The following CNIH3 variants were observed in gnomAD, a reference collection of about 807,000 sequenced individuals.
CNIH3 encodes the protein cornichon family AMPA receptor auxiliary protein 3.
CNIH3 carries 14 observed loss-of-function variants against 24.1 expected under a neutral mutation model. That is an observed-to-expected ratio of 0.58 (90% CI 0.38 to 0.91). The LOEUF (loss-of-function observed/expected upper bound fraction) is 0.91. Among genes scored for constraint, CNIH3 ranks in the 40% least tolerant of loss-of-function variants. CNIH3 has a pLI of 0.00. For synonymous variants in CNIH3, 68 were observed against 73.8 expected, an observed-to-expected ratio of 0.92 and a Z score of 0.40; for missense variants, 178 against 196.8, an observed-to-expected ratio of 0.90 and a Z score of 0.57.
chr1:224,550,873 GC>G (rs1301882307), intron 3 of CNIH3, among the ~76,000 whole-genome samples: 4 of 111,406 alleles, frequency 3.6e-5, no homozygotes, highest in African/African-American at 1.4e-4. Flanking sequence ...CCCACAACAG[GC>G]CCCGGTGTGT....
intron 3 of CNIH3, among the ~76,000 whole-genome samples, chr1:224,559,748 A>G (rs1410321041): frequency 6.6e-6 from 1 of 152,226 alleles, no homozygotes; most frequent in Non-Finnish European, 1.5e-5. Context: ...AAAATATGTT[A>G]GTAAAGTTTT....
chr1:224,589,236 A>G (rs1295625849), downstream of CNIH3, among the ~76,000 whole-genome samples: 3 of 152,176 alleles, frequency 2.0e-5, no homozygotes, highest in Non-Finnish European at 4.4e-5. Flanking sequence ...AGACCCTGCC[A>G]CAAAAGACTG....
chr1:224,662,075 G>A (rs1427964551), intron 1 of CNIH3, among the ~76,000 whole-genome samples: 1 of 152,176 alleles, frequency 6.6e-6, no homozygotes, highest in Non-Finnish European at 1.5e-5. Context: ...TCTATCAGAT[G>A]TTAGCATTTT....
chr1:224,544,626 G>T (rs1296937690), intron 2 of CNIH3, among the ~76,000 whole-genome samples: 2 of 152,142 alleles, frequency 1.3e-5, no homozygotes. Flanking sequence ...CACCTCTAGG[G>T]CTGAGTGCAC....
intron 3 of CNIH3, among the ~76,000 whole-genome samples, chr1:224,724,232 G>A (rs2405523): frequency 0.42 from 64,114 of 152,020 alleles, 13,845 homozygotes; most frequent in Non-Finnish European, 0.46. Flanking sequence ...CACTCAAGTC[G>A]ACCCAACCCA....
chr1:224,594,347 G>A (rs1440174779), intron 3 of CNIH3, among the ~76,000 whole-genome samples: 1 of 152,196 alleles, frequency 6.6e-6, no homozygotes, highest in Non-Finnish European at 1.5e-5. Context: ...TTAGGATTTG[G>A]AGTAGATCTT....
chr1:224,639,852 G>T (rs188015823), intron 1 of CNIH3, among the ~76,000 whole-genome samples: 1 of 152,126 alleles, frequency 6.6e-6, no homozygotes. Flanking sequence ...TCCTTAACCC[G>T]ATTGCAGATC....
At chr1:224,527,986 G>A (rs938619335) in intron 2 of CNIH3, among the ~76,000 whole-genome samples, 2 of 152,204 alleles carry the variant, frequency 1.3e-5, no homozygotes, top group African/African-American at 4.8e-5. Flanking sequence ...CCTGGGCTGG[G>A]TGCAGTGGCT....
chr1:224,577,239 G>A (rs1176124689), intron 4 of CNIH3, among the ~76,000 whole-genome samples: 4 of 152,094 alleles, frequency 2.6e-5, no homozygotes. Flanking sequence ...CTACTGCACA[G>A]CAAAAGAAAT....
intron 1 of CNIH3, chr1:224,435,067 C>T: frequency 1.0e-6 from 1 of 985,666 alleles, no homozygotes; most frequent in Non-Finnish European, 1.2e-6. Flanking sequence ...AGTTCGTAGC[C>T]GCCCTCCGAA....
intron 1 of CNIH3, among the ~76,000 whole-genome samples, chr1:224,635,018 A>G (rs183883357): frequency 1.3e-5 from 2 of 152,336 alleles, no homozygotes; most frequent in Admixed American, 1.3e-4. Context: ...GCTATAAAGA[A>G]CTACCTGAGA....
chr1:224,674,272 G>GTTTTTTTTTTTTTTTTTTT (rs71170028), intron 1 of CNIH3, among the ~76,000 whole-genome samples: 14 of 72,078 alleles, frequency 1.9e-4, no homozygotes, highest in African/African-American at 4.8e-4. Flanking sequence ...TTCCAGGAAG[G>GTTTTTTTTTTTTTTTTTTT]TTTTTTTTTT....
Position 224,720,215 on chromosome 1 carries a change from T to C in CNIH3, c.199-10247T>C, listed in dbSNP as rs114649587. 5.3e-3 allele frequency among the ~76,000 whole-genome samples: 813 copies of C among 152,194 alleles called. 7 individuals are homozygous for C. The highest frequency in any genetic ancestry group is 0.018 in the African/African-American group (749 of 41,528). ...CCAAGCTGCTGAGTGTAACAGGTAA[T>C]TAACACCACTTAATAAGTGTTAAGT... On this transcript the variant is annotated intron_variant, in intron 3 of 5. Coordinates refer to ENST00000272133, the MANE Select transcript of CNIH3 (RefSeq NM_152495.2).
chr1:224,474,426 A>G (rs1676487425), intron 1 of CNIH3, among the ~76,000 whole-genome samples: 1 of 152,048 alleles, frequency 6.6e-6, no homozygotes, highest in East Asian at 1.9e-4. Context: ...TAGTGGAAAC[A>G]CAACATACCA....
chr1:224,595,859 G>T (rs532977652), intron 3 of CNIH3, among the ~76,000 whole-genome samples: 45 of 152,330 alleles, frequency 3.0e-4, no homozygotes, highest in South Asian at 6.2e-4. Flanking sequence ...CCAGAGCAAG[G>T]CCCTAACTCT....
chr1:224,512,921 GC>G (rs954080019), upstream of CNIH3, among the ~76,000 whole-genome samples: 4 of 152,288 alleles, frequency 2.6e-5, no homozygotes, highest in East Asian at 7.7e-4. Context: ...TGGCTCTCCC[GC>G]TTTTGGCCTC....
chr1:224,458,099 CT>C lies in CNIH3; in HGVS notation n.203+23238del, dbSNP rs1675754600. On this transcript the variant is annotated intron_variant and non_coding_transcript_variant, in intron 1 of 5. Transcript: ENST00000471578. The surrounding 1 kb of genome is among the most constrained non-coding windows in gnomAD (Gnocchi z 4.3). ...TCCCTTCCAGGGCTCCTACCCTCTC[CT>C]GATTTTGCATCCAGGGACGTCCTCT... Among the ~76,000 whole-genome samples, 1 of 152,184 alleles carries C rather than the reference CT, an allele frequency of 6.6e-6. No homozygotes were observed. The highest frequency in any genetic ancestry group is 2.4e-5 in the African/African-American group (1 of 41,434).
At chr1:224,462,628 C>T (rs998166818) in intron 1 of CNIH3, among the ~76,000 whole-genome samples, 8 of 145,166 alleles carry the variant, frequency 5.5e-5, no homozygotes, top group Admixed American at 3.0e-4. Context: ...ACCACTAGGT[C>T]TGGACCCAAT....
At chr1:224,586,786 T>C (rs951372371) in intron 5 of CNIH3, among the ~76,000 whole-genome samples, 1 of 152,044 alleles carries the variant, frequency 6.6e-6, no homozygotes, top group Admixed American at 6.6e-5. Context: ...GGTGTCCTTA[T>C]AAGAAGAGGA....
Sources: allele counts gnomAD v4.1 joint callset (sites outside exome capture counted in the v4.1 genomes callset), GRCh38; gene constraint gnomAD v4.1.1; non-coding constraint Gnocchi (gnomAD v3.1); transcripts MANE v1.5; gene names NCBI Gene and HGNC (gene_info 2026-07-23, HGNC 2026-07-21).